Variants in NHS observed in about 807,000 individuals in gnomAD.
The protein encoded by NHS is NHS actin remodeling regulator, also known as actin remodeling regulator NHS.
A neutral mutation model predicts 72.5 loss-of-function variants in NHS; 5 were observed. The ratio of observed to expected loss-of-function variants is 0.07; its 90% CI spans 0.04 to 0.14. NHS has a LOEUF of 0.14. NHS is among the 10% of genes least tolerant of loss of function. NHS has a pLI of 1.00. For missense variants in NHS, 1,072 were observed against 1,355.7 expected, an observed-to-expected ratio of 0.79 and a Z score of 3.29; for synonymous variants, 464 against 547.7, an observed-to-expected ratio of 0.85 and a Z score of 2.13.
At chrX:17,608,170 C>A (rs770589671) in intron 1 of NHS, among the ~76,000 whole-genome samples, 1 of 110,969 alleles carries the variant, frequency 9.0e-6, no homozygotes, top group East Asian at 2.8e-4. Context: ...CTGCCTCCGC[C>A]TCCCAAAGCG....
chrX:17,542,960 T>C (rs1220630941), intron 1 of NHS, among the ~76,000 whole-genome samples: 1 of 112,411 alleles, frequency 8.9e-6, no homozygotes, highest in Non-Finnish European at 1.9e-5. Flanking sequence ...ATTTATTCAA[T>C]TAATGTTAGC....
At chrX:17,399,877 G>C (rs2064495032) in intron 1 of NHS, among the ~76,000 whole-genome samples, 2 of 111,784 alleles carry the variant, frequency 1.8e-5, no homozygotes, top group Admixed American at 1.9e-4. Flanking sequence ...ATCTTTTCAT[G>C]ACAAAAACAC....
At chrX:17,681,894 A>G (rs2066131272) in intron 1 of NHS, among the ~76,000 whole-genome samples, 1 of 111,707 alleles carries the variant, frequency 9.0e-6, no homozygotes, top group Non-Finnish European at 1.9e-5. Context: ...GAATTTGTTA[A>G]GAGACCTAGA....
chrX:17,420,139 A>G lies in NHS; in HGVS notation c.565+43817A>G, dbSNP rs373203954. Among the ~76,000 whole-genome samples the G allele has an allele frequency of 1.9e-4, 21 of 112,261 alleles. No individual in the cohort carries two copies. In the East Asian group the frequency reaches 5.9e-3, roughly 31 times the overall value. ...ACCAGGTAATAAATATTAACTGAGT[A>G]CCGACTATGAACCTGACTCTGAGAA... On this transcript the variant is annotated intron_variant, in intron 1 of 8. Coordinates refer to ENST00000676302, the MANE Select transcript of NHS (RefSeq NM_001291867.2).
chrX:17,429,121 A>G (rs1342857280), intron 1 of NHS, among the ~76,000 whole-genome samples: 1 of 111,085 alleles, frequency 9.0e-6, no homozygotes, highest in Non-Finnish European at 1.9e-5. Flanking sequence ...GCAACTTCCA[A>G]TGTTATCCTT....
At chrX:17,656,930 G>T (rs935037579) in intron 1 of NHS, among the ~76,000 whole-genome samples, 4 of 113,016 alleles carry the variant, frequency 3.5e-5, no homozygotes, top group African/African-American at 1.3e-4. Flanking sequence ...CCTGCCACTT[G>T]GTGTTGGATG....
chrX:17,548,942 G>A (rs1213196345), intron 1 of NHS, among the ~76,000 whole-genome samples: 2 of 109,550 alleles, frequency 1.8e-5, no homozygotes, highest in East Asian at 2.9e-4. Context: ...ATTTTGTAAC[G>A]TCATACTTGT....
chrX:17,698,992 G>A (rs867136915), intron 3 of NHS, among the ~76,000 whole-genome samples: 1 of 111,275 alleles, frequency 9.0e-6, no homozygotes, highest in Non-Finnish European at 1.9e-5. Context: ...CAATAACAAA[G>A]AAGACCAAAT....
chrX:17,547,688 G>A (rs772049307), intron 1 of NHS, among the ~76,000 whole-genome samples: 27 of 112,960 alleles, frequency 2.4e-4, no homozygotes, highest in Middle Eastern at 9.2e-3. Flanking sequence ...AAGTGTTAGA[G>A]GTGGTGGCTA....
chrX:17,578,585 A>G (rs1042279496), intron 1 of NHS, among the ~76,000 whole-genome samples: 2 of 112,257 alleles, frequency 1.8e-5, no homozygotes, highest in African/African-American at 6.5e-5. Flanking sequence ...CTATATATCG[A>G]AATACTCAAG....
intron 1 of NHS, among the ~76,000 whole-genome samples, chrX:17,623,565 G>T (rs961986212): frequency 1.8e-5 from 2 of 111,399 alleles, no homozygotes; most frequent in Non-Finnish European, 3.8e-5. Context: ...GAAGTGCTCG[G>T]TCTTCCAAGA....
intron 1 of NHS, among the ~76,000 whole-genome samples, chrX:17,538,416 A>G (rs1223318402): frequency 4.5e-5 from 5 of 111,710 alleles, no homozygotes; most frequent in African/African-American, 6.5e-5. Context: ...TAGGTGCACT[A>G]AAGAGTAGGC....
chrX:17,379,895 G>A (rs1346600383), intron 1 of NHS, among the ~76,000 whole-genome samples: 4 of 112,019 alleles, frequency 3.6e-5, no homozygotes, highest in African/African-American at 9.7e-5. Context: ...TTATATTTGA[G>A]CCATGTTAAG....
At chrX:17,434,933 A>C (rs1215187817) in intron 1 of NHS, among the ~76,000 whole-genome samples, 1 of 111,962 alleles carries the variant, frequency 8.9e-6, no homozygotes, top group Non-Finnish European at 1.9e-5. Context: ...GTGTTATGGA[A>C]GCTCATAGCT....
intron 1 of NHS, among the ~76,000 whole-genome samples, chrX:17,472,441 C>A (rs970702832): frequency 4.5e-5 from 5 of 111,418 alleles, no homozygotes; most frequent in East Asian, 2.8e-4. Context: ...TTTACCCCAA[C>A]CCCATTCTTC....
At chrX:17,537,892 A>T (rs1204658535) in intron 1 of NHS, among the ~76,000 whole-genome samples, 1 of 111,828 alleles carries the variant, frequency 8.9e-6, no homozygotes, top group Non-Finnish European at 1.9e-5. Context: ...GAATTTGGGC[A>T]GTTGCTGAGC....
chrX:17,386,533 G>T (rs921535810), intron 1 of NHS, among the ~76,000 whole-genome samples: 2 of 109,826 alleles, frequency 1.8e-5, no homozygotes, highest in African/African-American at 6.6e-5. Context: ...GTGGTGGCAT[G>T]CGCCTGTAAT....
chrX:17,519,545 C>G lies in NHS; in HGVS notation c.565+143223C>G, dbSNP rs143476145. Reference sequence around the variant, plus strand: ...GCCTTACACAACAAGGAGGCTTGGGCCAGCTGGACTGAGACCCAGGAGCAC... The same window carrying G: ...GCCTTACACAACAAGGAGGCTTGGGGCAGCTGGACTGAGACCCAGGAGCAC... On this transcript the variant is annotated intron_variant, in intron 1 of 8. Transcript: ENST00000676302. Among the ~76,000 whole-genome samples, 35 of 111,924 alleles carry G rather than the reference C, an allele frequency of 3.1e-4. No homozygotes were observed. In the East Asian group the frequency reaches 9.0e-3, roughly 29 times the overall value.
chrX:17,687,129 C>T lies in NHS; in HGVS notation c.566-613C>T, dbSNP rs752073261. 4 of 121,289 alleles carry T rather than the reference C, an allele frequency of 3.3e-5. No homozygotes were observed. In the South Asian group the frequency reaches 1.2e-3, roughly 36 times the overall value. The allele number at this position is 121,289 out of a possible 1,213,427, so 10.0% of individuals were successfully genotyped here. On this transcript the variant is annotated intron_variant, in intron 1 of 8. Transcript: ENST00000676302. ...TACCTCTATGATGGTTTCTTTAATGCGTATGCTCACCCCTGGGTGAAACCA... is the reference window on the plus strand; with the variant it reads ...TACCTCTATGATGGTTTCTTTAATGTGTATGCTCACCCCTGGGTGAAACCA...
Sources: allele counts gnomAD v4.1 joint callset (sites outside exome capture counted in the v4.1 genomes callset), GRCh38; gene constraint gnomAD v4.1.1; transcripts MANE v1.5; gene names NCBI Gene and HGNC (gene_info 2026-07-23, HGNC 2026-07-21).